SYT7: variants seen among roughly 807,000 people sequenced by gnomAD.
SYT7 encodes the protein synaptotagmin-7.
Under a neutral mutation model 75.1 loss-of-function variants are expected in SYT7, and 29 were observed. That is an observed-to-expected ratio of 0.39 (90% CI 0.29 to 0.53). The LOEUF (loss-of-function observed/expected upper bound fraction) is 0.53. Ranked by LOEUF, SYT7 falls within the 20% of genes least tolerant of loss-of-function variation. The pLI is 0.77. For missense variants in SYT7, 693 were observed against 953.2 expected, an observed-to-expected ratio of 0.73 and a Z score of 3.59; for synonymous variants, 376 against 401.7, an observed-to-expected ratio of 0.94 and a Z score of 0.76.
At position 61,516,964 on chromosome 11, in the gene SYT7, C is replaced by G. The variant is rs1389041961; in HGVS notation, c.*1663G>C. On this transcript the variant is annotated 3_prime_UTR_variant, in exon 13 of 13. Transcript: ENST00000539008. The surrounding 1 kb of genome is among the most constrained non-coding windows in gnomAD (Gnocchi z 4.6). ...GGAAGCCGTTCGAAGGAAAATGGTT[C>G]CCAAATGCCAATGGTCTCCCCACGC... The G allele has an allele frequency of 6.5e-6, 2 of 305,838 alleles. No homozygotes were observed. The highest frequency in any genetic ancestry group is 1.2e-5 in the Non-Finnish European group (2 of 167,838). The allele number at this position is 305,838 out of a possible 1,614,324, so 18.9% of individuals were successfully genotyped here.
intron 1 of SYT7, among the ~76,000 whole-genome samples, chr11:61,574,679 C>T (rs1472030897): frequency 2.4e-4 from 36 of 151,742 alleles, no homozygotes; most frequent in Non-Finnish European, 7.4e-5. Context: ...TATCTGGACG[C>T]GGGGCACTTC....
At chr11:61,527,072 G>A (rs1381489285) in intron 9 of SYT7, among the ~76,000 whole-genome samples, 1 of 152,152 alleles carries the variant, frequency 6.6e-6, no homozygotes, top group African/African-American at 2.4e-5. Context: ...TTAATCACAC[G>A]CCCAGCTTCC....
chr11:61,520,787 T>C (rs1379978459), intron 12 of SYT7, among the ~76,000 whole-genome samples: 3 of 152,218 alleles, frequency 2.0e-5, no homozygotes, highest in Admixed American at 1.3e-4. Context: ...TGTGCCACTG[T>C]ACTCCAGCCC....
chr11:61,563,120 G>A (rs527832643), intron 1 of SYT7, among the ~76,000 whole-genome samples: 2 of 152,232 alleles, frequency 1.3e-5, no homozygotes, highest in South Asian at 4.2e-4. Flanking sequence ...AGCCAGCTCC[G>A]CCATTCATGA....
upstream of SYT7, among the ~76,000 whole-genome samples, chr11:61,581,553 G>C (rs907172059): frequency 2.0e-5 from 3 of 152,364 alleles, no homozygotes; most frequent in African/African-American, 7.2e-5. Flanking sequence ...CACCGCGGCG[G>C]TCCGGGGCAG....
At position 61,523,670 on chromosome 11, in the gene SYT7, G is replaced by A. The variant is rs940392088; in HGVS notation, c.1756+157C>T. On this transcript the variant is annotated intron_variant, in intron 11 of 12. Transcript: ENST00000539008. The surrounding 1 kb of genome is among the most constrained non-coding windows in gnomAD (Gnocchi z 5.0). ...CGAGATGAGGGTGCTCCAAAGGGGG[G>A]CCCCAGGGTCTCTAGGGTAAGGAGT... Among the ~76,000 whole-genome samples the A allele has an allele frequency of 2.6e-5, 4 of 152,160 alleles. No individual in the cohort carries two copies. The highest frequency in any genetic ancestry group is 4.8e-5 in the African/African-American group (2 of 41,432).
rs574533830 is a variant in SYT7, at chr11:61,524,085, C to A, written c.1642-144G>T. The A allele has an allele frequency of 2.2e-5, 18 of 813,852 alleles. No homozygotes were observed. The highest frequency in any genetic ancestry group is 1.7e-4 in the South Asian group (10 of 60,440). The allele number at this position is 813,852 out of a possible 1,614,324, so 50.4% of individuals were successfully genotyped here. A position where few individuals can be genotyped will look rare whatever the true frequency, so the allele number is the denominator to read the frequency against. On this transcript the variant is annotated intron_variant, in intron 10 of 12. Coordinates refer to ENST00000539008, the MANE Select transcript of SYT7 (RefSeq NM_001365809.2). This position sits in a 1 kb window ranked among gnomAD's most constrained non-coding sequence, Gnocchi z 4.1. ...ACCTCTGTCTCACTCTGTCTCCCCC[C>A]ATCTGGCAGGTGTGTGTACTGCCCC...
rs2062755973 is a variant in SYT7, at chr11:61,532,997, T to G, written c.1192A>C (p.Met398Leu). 6.2e-7 allele frequency: 1 copy of G among 1,613,444 alleles called. No individual in the cohort carries two copies. The highest frequency in any genetic ancestry group is 8.5e-7 in the Non-Finnish European group (1 of 1,180,008). Reference sequence around the variant, plus strand: ...GGCTCCCTCATTCTCACCATGAGCATCTCGCTGGTGAGGGAGTTGACGAGG... The same window carrying G: ...GGCTCCCTCATTCTCACCATGAGCAGCTCGCTGGTGAGGGAGTTGACGAGG... ...SDLVNSLTSE[M>L]LMLSPGSEED... Residue 398 changes from methionine to leucine, a missense_variant, in exon 8 of 13, where the codon ATG becomes CTG. Physicochemically the swap from Met to Leu is conservative, Grantham distance 15. Coordinates refer to ENST00000539008, the MANE Select transcript of SYT7 (RefSeq NM_001365809.2).
intron 7 of SYT7, among the ~76,000 whole-genome samples, chr11:61,534,478 C>T (rs1341596375): frequency 1.3e-5 from 2 of 151,744 alleles, no homozygotes; most frequent in Non-Finnish European, 1.5e-5. Context: ...TGTACACACA[C>T]ACATGCACAT....
At chr11:61,571,524 C>T (rs2063920449) in intron 1 of SYT7, among the ~76,000 whole-genome samples, 1 of 152,234 alleles carries the variant, frequency 6.6e-6, no homozygotes, top group Non-Finnish European at 1.5e-5. Context: ...GCCACCACAC[C>T]CCTTCTCCTC....
intron 8 of SYT7, chr11:61,530,977 C>T: frequency 1.0e-6 from 1 of 985,428 alleles, no homozygotes; most frequent in Non-Finnish European, 1.2e-6. Flanking sequence ...GCAGGAGGTG[C>T]CCAGAAGCAG....
chr11:61,548,188 C>G (rs192667173), intron 3 of SYT7, among the ~76,000 whole-genome samples: 157 of 152,372 alleles, frequency 1.0e-3, no homozygotes, highest in African/African-American at 3.6e-3. Context: ...AACCAGGGGG[C>G]CCCTCGGTCC....
chr11:61,534,203 A>G (rs2062795510), intron 7 of SYT7, among the ~76,000 whole-genome samples: 1 of 152,218 alleles, frequency 6.6e-6, no homozygotes, highest in Admixed American at 6.5e-5. Context: ...GAGAGCACAC[A>G]GCCACAAACT....
At chr11:61,537,958 C>A (rs1347878092) in intron 7 of SYT7, among the ~76,000 whole-genome samples, 186 bp downstream of exon 7, 2 of 152,260 alleles carry the variant, frequency 1.3e-5, no homozygotes, top group South Asian at 2.1e-4. Context: ...TGGCCTCAGA[C>A]CCCAGGGACA....
the SYT7 span, among the ~76,000 whole-genome samples, chr11:61,588,077 C>G: frequency 1.3e-5 from 2 of 152,206 alleles, no homozygotes; most frequent in African/African-American, 2.4e-5. Context: ...GTGACTGTCC[C>G]GGTTCCGCGA....
the SYT7 span, among the ~76,000 whole-genome samples, chr11:61,587,052 A>G: frequency 6.6e-6 from 1 of 151,476 alleles, no homozygotes; most frequent in Non-Finnish European, 1.5e-5. Context: ...CTCCCCCCAC[A>G]TGATTAGTCT....
intron 12 of SYT7, among the ~76,000 whole-genome samples, chr11:61,519,323 G>A (rs1396766998): frequency 5.3e-5 from 8 of 152,208 alleles, no homozygotes; most frequent in African/African-American, 1.4e-4. Context: ...ATCCTGCTTC[G>A]CAGCCTCACC....
chr11:61,587,339 C>T, the SYT7 span, among the ~76,000 whole-genome samples: 2 of 152,228 alleles, frequency 1.3e-5, no homozygotes, highest in Non-Finnish European at 2.9e-5. Flanking sequence ...GTTCCCCAGC[C>T]TTCAGCGGGC....
chr11:61,542,563 G>A lies in SYT7; in HGVS notation c.589C>T (p.Leu197=). The change falls in exon 6 of 13, where the codon CTG becomes TTG. Residue 197 remains leucine (L), a synonymous_variant. Coordinates refer to ENST00000539008, the MANE Select transcript of SYT7 (RefSeq NM_001365809.2). This position sits in a 1 kb window ranked among gnomAD's most constrained non-coding sequence, Gnocchi z 7.8. ...LNLSNFEDST[L]STATTLESIP... The stretch of plus-strand genomic sequence containing the variant: ...GACTCAAGGGTAGTGGCCGTGGACA[G>A]GGTGGAGTCCTCGAAACTTGGGGCA... The A allele has an allele frequency of 6.6e-7, 1 of 1,505,526 alleles. No individual in the cohort carries two copies. The highest frequency in any genetic ancestry group is 8.9e-7 in the Non-Finnish European group (1 of 1,129,748). The allele number at this position is 1,505,526 out of a possible 1,614,324, so 93.3% of individuals were successfully genotyped here. A position where few individuals can be genotyped will look rare whatever the true frequency, so the allele number is the denominator to read the frequency against.
Sources: allele counts gnomAD v4.1 joint callset (sites outside exome capture counted in the v4.1 genomes callset), GRCh38; gene constraint gnomAD v4.1.1; non-coding constraint Gnocchi (gnomAD v3.1); transcripts MANE v1.5; gene names NCBI Gene and HGNC (gene_info 2026-07-23, HGNC 2026-07-21).